The following PCDHGB2 variants were observed in gnomAD, a reference collection of about 807,000 sequenced individuals.
PCDHGB2 encodes protocadherin gamma-B2.
Under a neutral mutation model 59.3 loss-of-function variants are expected in PCDHGB2, and 55 were observed. The ratio of observed to expected loss-of-function variants is 0.93; its 90% CI spans 0.75 to 1.16. The LOEUF (loss-of-function observed/expected upper bound fraction) is 1.16. Among genes scored for constraint, PCDHGB2 ranks in the 50% most tolerant of loss-of-function variants. PCDHGB2 has a pLI of 0.00. For synonymous variants in PCDHGB2, 516 were observed against 512.0 expected, an observed-to-expected ratio of 1.01 and a Z score of -0.11; for missense variants, 1,228 against 1,198.5, an observed-to-expected ratio of 1.02 and a Z score of -0.36.
chr5:141,494,182 C>A (rs188628485), intron 1 of PCDHGB2, among the ~76,000 whole-genome samples: 1 of 152,126 alleles, frequency 6.6e-6, no homozygotes, highest in Non-Finnish European at 1.5e-5. Context: ...AGAAGTGTCC[C>A]GGGACTTGGA....
chr5:141,431,674 G>A lies in PCDHGB2; in HGVS notation c.2422-63133G>A, dbSNP rs756385496. ...ATTCAGGGACAATATCAACAATAGG[G>A]GAGTTGGACCACGAGGAGTCAGGAT... On this transcript the variant is annotated intron_variant, in intron 1 of 3. Transcript: ENST00000522605. The surrounding 1 kb of genome is among the most constrained non-coding windows in gnomAD (Gnocchi z 4.8). 4 of 1,614,234 alleles carry A rather than the reference G, an allele frequency of 2.5e-6. No individual in the cohort carries two copies. The Admixed American group carries it at 6.7e-5, about 27-fold the overall frequency.
At chr5:141,394,696 C>G (rs1006890229) in intron 1 of PCDHGB2, 1 of 1,612,928 alleles carries the variant, frequency 6.2e-7, no homozygotes, top group African/African-American at 1.3e-5. Context: ...GAGGTGCGCA[C>G]GGCGCGAGCC....
At position 141,414,245 on chromosome 5, in the gene PCDHGB2, T is replaced by G. The variant is rs760119941; in HGVS notation, c.2421+51689T>G. On this transcript the variant is annotated intron_variant, in intron 1 of 3. Transcript: ENST00000522605. ...CCAGAGCTGACCATCACGTCTCTAT[T>G]TAGTCCAGTGACTGAAGATTCACCT... 49 of 1,613,380 alleles carry G rather than the reference T, an allele frequency of 3.0e-5. 1 individual carries two copies. The highest frequency in any genetic ancestry group is 1.3e-4 in the South Asian group (12 of 90,978).
chr5:141,409,729 G>GCAGAGC (rs1178571616), intron 1 of PCDHGB2: 2 of 1,612,966 alleles, frequency 1.2e-6, no homozygotes, highest in African/African-American at 2.7e-5. Context: ...CAGTGAGCGC[G>GCAGAGC]CAGAGCGGGG....
chr5:141,423,887 T>C, intron 1 of PCDHGB2: 2 of 1,282,240 alleles, frequency 1.6e-6, no homozygotes, highest in Non-Finnish European at 2.0e-6. Context: ...CTTGGCATAT[T>C]TTCTTTTGAT....
At position 141,477,572 on chromosome 5, in the gene PCDHGB2, G is replaced by A. The variant is rs375416133; in HGVS notation, c.2422-17235G>A. The A allele has an allele frequency of 6.2e-7, 1 of 1,614,112 alleles. No homozygotes were observed. The highest frequency in any genetic ancestry group is 8.5e-7 in the Non-Finnish European group (1 of 1,180,030). On this transcript the variant is annotated intron_variant, in intron 1 of 3. Coordinates refer to ENST00000522605, the MANE Select transcript of PCDHGB2 (RefSeq NM_018923.3). This position sits in a 1 kb window ranked among gnomAD's most constrained non-coding sequence, Gnocchi z 4.9. ...AAACCTAAGTGTCTGGGACCCCGAC[G>A]CCCCGCAGAATGCTCGGCTTTCTTT...
chr5:141,363,504 C>T (rs750214934), intron 1 of PCDHGB2, among the ~76,000 whole-genome samples: 3 of 152,206 alleles, frequency 2.0e-5, no homozygotes, highest in Non-Finnish European at 4.4e-5. Context: ...AAAACCCCAT[C>T]CTCCACAGTT....
intron 1 of PCDHGB2, among the ~76,000 whole-genome samples, chr5:141,437,360 G>T (rs1432098876): frequency 6.6e-6 from 1 of 152,144 alleles, no homozygotes; most frequent in Non-Finnish European, 1.5e-5. Context: ...ACCTAAAATT[G>T]GAATGTAATC....
intron 1 of PCDHGB2, among the ~76,000 whole-genome samples, chr5:141,437,976 T>G (rs1182220385): frequency 1.3e-5 from 2 of 152,096 alleles, no homozygotes; most frequent in Non-Finnish European, 2.9e-5. Flanking sequence ...GATCTTGGGA[T>G]GCACCCACCC....
chr5:141,360,278 G>A lies in PCDHGB2; in HGVS notation c.143G>A (p.Gly48Glu), dbSNP rs1761512011. The change falls in exon 1 of 4, where the codon GGA (glycine) becomes GAA (glutamate). Residue 48 changes from glycine (G) to glutamate (E), a missense_variant. Gly to Glu is a moderately conservative substitution (Grantham distance 98, BLOSUM62 -2). Around this residue, in one of 3 missense-constraint regions of PCDHGB2, gnomAD observed 781 missense variants for 721.6 expected, o/e 1.08. Transcript: ENST00000522605. ...GAGCTGGCCAAAAACTCGGTCGTAGGAAACCTCGCCAAGGATCTGGGGCTC... is the reference window on the plus strand; with the variant it reads ...GAGCTGGCCAAAAACTCGGTCGTAGAAAACCTCGCCAAGGATCTGGGGCTC... ...PEELAKNSVV[G>E]NLAKDLGLSV... 1.9e-6 allele frequency: 3 copies of A among 1,613,846 alleles called. No individual in the cohort carries two copies. In the African/African-American group the frequency reaches 4.0e-5, roughly 22 times the overall value.
At chr5:141,414,897 C>G in intron 1 of PCDHGB2, 1 of 1,614,230 alleles carries the variant, frequency 6.2e-7, no homozygotes, top group Non-Finnish European at 8.5e-7. Flanking sequence ...TCCCCACAGA[C>G]GGTTCCACAG....
intron 1 of PCDHGB2, chr5:141,408,821 T>C (rs774934223): frequency 1.4e-5 from 23 of 1,613,250 alleles, no homozygotes; most frequent in African/African-American, 2.7e-5. Flanking sequence ...AGAACAGAGA[T>C]CTCATAGCTT....
intron 1 of PCDHGB2, chr5:141,372,764 T>C: frequency 6.2e-7 from 1 of 1,612,408 alleles, no homozygotes; most frequent in Non-Finnish European, 8.5e-7. Context: ...GGTTTGAAAG[T>C]AATGACAATC....
At chr5:141,478,524 C>T in intron 1 of PCDHGB2, 1 of 1,609,844 alleles carries the variant, frequency 6.2e-7, no homozygotes, top group Non-Finnish European at 8.5e-7. Flanking sequence ...GTGTTGGGTG[C>T]AGAGAGCGCC....
chr5:141,400,254 G>C, intron 1 of PCDHGB2: 1 of 1,613,980 alleles, frequency 6.2e-7, no homozygotes. Flanking sequence ...CCGTTGCCTT[G>C]CGCCTGCGAC....
chr5:141,414,311 ACT>A (rs1421551588), intron 1 of PCDHGB2: 5 of 1,613,710 alleles, frequency 3.1e-6, no homozygotes, highest in Non-Finnish European at 4.2e-6. Flanking sequence ...CATGATTTAG[ACT>A]CTGAGCAGAA....
At chr5:141,384,661 G>C (rs777530436) in intron 1 of PCDHGB2, 1 of 1,614,226 alleles carries the variant, frequency 6.2e-7, no homozygotes. Context: ...CGGCTACCTG[G>C]TGACCAAGGT....
chr5:141,474,685 T>G (rs1562045980), intron 1 of PCDHGB2, among the ~76,000 whole-genome samples: 1 of 152,224 alleles, frequency 6.6e-6, no homozygotes, highest in Non-Finnish European at 1.5e-5. Flanking sequence ...GCCTACCCCT[T>G]CACTTATGTT....
chr5:141,370,872 C>T (rs201155008), intron 1 of PCDHGB2: 244 of 1,613,896 alleles, frequency 1.5e-4, no homozygotes, highest in Non-Finnish European at 1.9e-4. Flanking sequence ...TGCGCAAGAT[C>T]CTGATGTAGG....
Sources: allele counts gnomAD v4.1 joint callset (sites outside exome capture counted in the v4.1 genomes callset), GRCh38; gene constraint gnomAD v4.1.1; regional missense constraint gnomAD v4.1.1; non-coding constraint Gnocchi (gnomAD v3.1); transcripts MANE v1.5; gene names NCBI Gene and HGNC (gene_info 2026-07-23, HGNC 2026-07-21).